Variants in ADAM23 observed in about 807,000 individuals in gnomAD.
ADAM23 encodes disintegrin and metalloproteinase domain-containing protein 23.
A neutral mutation model predicts 120.1 loss-of-function variants in ADAM23; 33 were observed. The ratio of observed to expected loss-of-function variants is 0.27; its 90% CI spans 0.21 to 0.37. ADAM23 has a LOEUF of 0.37. Among genes scored for constraint, ADAM23 ranks in the 10% least tolerant of loss-of-function variants. The pLI, the probability that ADAM23 is intolerant of heterozygous loss-of-function variation, is 1.00. For synonymous variants in ADAM23, 367 were observed against 375.2 expected, an observed-to-expected ratio of 0.98 and a Z score of 0.25; for missense variants, 862 against 1,058.2, an observed-to-expected ratio of 0.81 and a Z score of 2.57.
chr2:206,494,594 G>A (rs1175099318), intron 3 of ADAM23, among the ~76,000 whole-genome samples: 1 of 152,154 alleles, frequency 6.6e-6, no homozygotes, highest in Admixed American at 6.6e-5. Context: ...TGTGGTGAGG[G>A]ACAATAACTT....
chr2:206,458,693 C>T (rs1695352143), intron 2 of ADAM23, among the ~76,000 whole-genome samples: 1 of 152,070 alleles, frequency 6.6e-6, no homozygotes, highest in Non-Finnish European at 1.5e-5. Context: ...TGGTATGGCC[C>T]CAAATACTCA....
In ADAM23 at chr2:206,570,728, T is replaced by G; in HGVS notation, c.1495-12T>G. The G allele has an allele frequency of 6.2e-7, 1 of 1,612,248 alleles. No homozygotes were observed. The highest frequency in any genetic ancestry group is 8.5e-7 in the Non-Finnish European group (1 of 1,178,390). The stretch of plus-strand genomic sequence containing the variant: ...TTGAAACATTTTTCCCTTCTGTCCC[T>G]AATCTCTTTAGCTATTTGAGCCCAC... On this transcript the variant is annotated splice_polypyrimidine_tract_variant and intron_variant, in intron 15 of 25. Coordinates refer to ENST00000264377, the MANE Select transcript of ADAM23 (RefSeq NM_003812.4).
rs1422832551 is a variant in ADAM23, at chr2:206,477,382, TA to T, written c.433-3846del. ...AATTTCCCTGTGCCAGATTCTGAGT[TA>T]AAAGAAAAATACTAAAGTGGTTAGG... On this transcript the variant is annotated intron_variant, in intron 2 of 25. Transcript: ENST00000264377. Among the ~76,000 whole-genome samples, 3 of 152,176 alleles carry T rather than the reference TA, an allele frequency of 2.0e-5. No individual in the cohort carries two copies. The East Asian group carries it at 5.8e-4, about 29-fold the overall frequency.
intron 2 of ADAM23, among the ~76,000 whole-genome samples, chr2:206,467,546 C>T (rs937336861): frequency 6.6e-6 from 1 of 152,212 alleles, no homozygotes. Context: ...CAGCCCTGCC[C>T]CTGTGGCTTT....
Position 206,445,315 on chromosome 2 carries a change from T to C in ADAM23, c.223T>C (p.Trp75Arg), listed in dbSNP as rs1695058089. 1 of 1,610,270 alleles carries C rather than the reference T, an allele frequency of 6.2e-7. No individual in the cohort carries two copies. The change falls in exon 2 of 26, where the codon TGG (tryptophan) becomes CGG (arginine). Residue 75 changes from tryptophan to arginine, a missense_variant. Coordinates refer to ENST00000264377, the MANE Select transcript of ADAM23 (RefSeq NM_003812.4). ...WGAAAPSAPH[W>R]NETAEKNLGV... ...CCCCCTACCTCCACCAGCTCCGCAT[T>C]GGAATGAAACTGCAGAAAAAAATTT...
At chr2:206,580,075 A>C (rs1200039121) in intron 18 of ADAM23, among the ~76,000 whole-genome samples, 2 of 152,124 alleles carry the variant, frequency 1.3e-5, no homozygotes. Flanking sequence ...TTGTATCTGG[A>C]AACTTTGCTG....
chr2:206,597,820 G>A (rs943191833), intron 24 of ADAM23, among the ~76,000 whole-genome samples: 5 of 152,178 alleles, frequency 3.3e-5, no homozygotes, highest in Non-Finnish European at 7.3e-5. Context: ...CTGAACTTCA[G>A]TATAGTTTAT....
At chr2:206,562,158 C>T (rs1478398479) in intron 12 of ADAM23, 45 bp from the exon 13 acceptor site, 11 of 1,484,264 alleles carry the variant, frequency 7.4e-6, no homozygotes, top group Non-Finnish European at 1.0e-5. Context: ...TAGCTTTGTG[C>T]ACTCTCTCAA....
At chr2:206,550,471 G>T (rs980259021) in intron 9 of ADAM23, among the ~76,000 whole-genome samples, 1 of 151,624 alleles carries the variant, frequency 6.6e-6, no homozygotes, top group Admixed American at 6.6e-5. Flanking sequence ...ATTTTATTCC[G>T]TGCTTTTGTC....
chr2:206,613,698 T>C (rs1312917770), intron 25 of ADAM23, among the ~76,000 whole-genome samples: 3 of 152,178 alleles, frequency 2.0e-5, no homozygotes, highest in African/African-American at 7.2e-5. Flanking sequence ...CTGTTGCTTT[T>C]ACTGGACATT....
intron 4 of ADAM23, among the ~76,000 whole-genome samples, chr2:206,531,700 C>T (rs1222670381): frequency 1.3e-5 from 2 of 152,210 alleles, no homozygotes; most frequent in African/African-American, 4.8e-5. Flanking sequence ...CAACAAGTGC[C>T]ACTGAACCTG....
intron 2 of ADAM23, among the ~76,000 whole-genome samples, chr2:206,449,301 A>G (rs1276754714): frequency 3.9e-5 from 6 of 152,244 alleles, no homozygotes; most frequent in Non-Finnish European, 5.9e-5. Context: ...ATGGAATTGT[A>G]TGATTACTAA....
At chr2:206,571,228 C>T (rs1263417029) in intron 16 of ADAM23, among the ~76,000 whole-genome samples, 1 of 152,192 alleles carries the variant, frequency 6.6e-6, no homozygotes, top group African/African-American at 2.4e-5. Flanking sequence ...GTAATCCCAG[C>T]ACTTTGGGAG....
chr2:206,472,843 C>T (rs6723314), intron 2 of ADAM23, among the ~76,000 whole-genome samples: 6,692 of 152,052 alleles, frequency 0.044, 507 homozygotes, highest in African/African-American at 0.15. Context: ...CCATCTTTTT[C>T]GGCTAGGTTG....
At chr2:206,477,880 T>TAAAAAAAAAAA (rs71034456) in intron 2 of ADAM23, among the ~76,000 whole-genome samples, 4 of 109,210 alleles carry the variant, frequency 3.7e-5, no homozygotes, top group African/African-American at 1.2e-4. Context: ...AATATTCTGT[T>TAAAAAAAAAAA]AAAAAAAAAA....
chr2:206,574,100 G>A (rs1236805381), intron 18 of ADAM23, among the ~76,000 whole-genome samples: 3 of 152,036 alleles, frequency 2.0e-5, no homozygotes, highest in Non-Finnish European at 2.9e-5. Flanking sequence ...ACTGGCTCTC[G>A]TTCTTCACAA....
At chr2:206,561,593 T>A (rs73983050) in intron 12 of ADAM23, among the ~76,000 whole-genome samples, 1,961 of 152,260 alleles carry the variant, frequency 0.013, 45 homozygotes, top group African/African-American at 0.045. Flanking sequence ...CAGTACTGTA[T>A]GTTTTTTTCT....
At chr2:206,487,564 G>A (rs1696040326) in intron 3 of ADAM23, among the ~76,000 whole-genome samples, 1 of 152,158 alleles carries the variant, frequency 6.6e-6, no homozygotes, top group Non-Finnish European at 1.5e-5. Context: ...AACATGACAC[G>A]ACTTGCAGGC....
chr2:206,525,491 G>A (rs371949929), intron 3 of ADAM23, among the ~76,000 whole-genome samples: 4 of 152,072 alleles, frequency 2.6e-5, no homozygotes, highest in South Asian at 2.1e-4. Context: ...AGTTAGCCAC[G>A]TCGTCTTGTT....
Sources: gnomAD v4.1 joint callset for allele counts (sites outside exome capture counted in the v4.1 genomes callset) on GRCh38, gnomAD v4.1.1 for gene constraint, MANE v1.5 for transcripts, NCBI Gene and HGNC (gene_info 2026-07-23, HGNC 2026-07-21) for gene names.